Variants in ZNF518A observed in about 807,000 individuals in gnomAD.
The protein encoded by ZNF518A is zinc finger protein 518A, also known as zinc finger protein 518.
A neutral mutation model predicts 102.7 loss-of-function variants in ZNF518A; 47 were observed. The observed-to-expected ratio is 0.46, with a 90% confidence interval of 0.36 to 0.58. The LOEUF is 0.58. Among genes scored for constraint, ZNF518A ranks in the 20% least tolerant of loss-of-function variants. ZNF518A has a pLI of 0.00. For missense variants in ZNF518A, 1,793 were observed against 1,699.8 expected, an observed-to-expected ratio of 1.05 and a Z score of -0.96; for synonymous variants, 652 against 594.6, an observed-to-expected ratio of 1.10 and a Z score of -1.40.
rs1250547442 is a variant in ZNF518A at position 96,189,495 on chromosome 10, T to C, written n.36-14079T>C. On this transcript the variant is annotated intron_variant and non_coding_transcript_variant, in intron 1 of 2. Transcript: ENST00000442635. The stretch of plus-strand genomic sequence containing the variant: ...ACCTTTTTCTATACTTGCTTGCATT[T>C]TTGATTTAATGTCTTCTACAGAACT... The C allele has an allele frequency of 3.0e-5, 19 of 635,592 alleles. No homozygotes were observed. In the Admixed American group the frequency reaches 3.6e-4, roughly 12 times the overall value. 39.4% of individuals were successfully genotyped at this position (635,592 alleles called of 1,614,324 possible).
In ZNF518A at chr10:96,176,884, G is replaced by A. The variant is rs1330953259; in HGVS notation, n.35+20837G>A. On this transcript the variant is annotated intron_variant and non_coding_transcript_variant, in intron 1 of 2. Coordinates refer to the ZNF518A transcript ENST00000442635. ...TGCATTCCAGCCTGGGTGACAGAGC[G>A]AGACTCTGTCTCAAAACAAACAAAC... Among the ~76,000 whole-genome samples, 12 of 152,092 alleles carry A rather than the reference G, an allele frequency of 7.9e-5. No homozygotes were observed. The South Asian group carries it at 8.3e-4, about 11-fold the overall frequency.
chr10:96,135,505 TC>T (rs782294630), intron 3 of ZNF518A, among the ~76,000 whole-genome samples: 1 of 152,214 alleles, frequency 6.6e-6, no homozygotes, highest in South Asian at 2.1e-4. Context: ...TATAAAGAGT[TC>T]CCTTTATTTA....
chr10:96,197,368 A>C (rs1312837651), intron 1 of ZNF518A, among the ~76,000 whole-genome samples: 2 of 152,150 alleles, frequency 1.3e-5, no homozygotes, highest in Non-Finnish European at 2.9e-5. Flanking sequence ...GCAGTGGTGC[A>C]ATCACAGTCC....
At chr10:96,165,129 T>A (rs1460495902), downstream of ZNF518A, among the ~76,000 whole-genome samples, 1 of 152,060 alleles carries the variant, frequency 6.6e-6, no homozygotes, top group Non-Finnish European at 1.5e-5. Flanking sequence ...GAAGACCCAT[T>A]TATTTATTTT....
At chr10:96,171,198 A>G (rs1234415071) in intron 1 of ZNF518A, among the ~76,000 whole-genome samples, 2 of 152,304 alleles carry the variant, frequency 1.3e-5, no homozygotes, top group Admixed American at 1.3e-4. Flanking sequence ...TATACCCCAA[A>G]TAATTTAAAA....
intron 3 of ZNF518A, among the ~76,000 whole-genome samples, chr10:96,145,715 A>AC: frequency 6.6e-6 from 1 of 152,304 alleles, no homozygotes; most frequent in East Asian, 1.9e-4. Context: ...TCTGTTTTAT[A>AC]CTGGCAGCAA....
chr10:96,131,300 T>C lies in ZNF518A; in HGVS notation c.-453+548T>C, dbSNP rs115310382. Among the ~76,000 whole-genome samples, 801 of 152,254 alleles carry C rather than the reference T, an allele frequency of 5.3e-3. 3 individuals carry two copies. The highest frequency in any genetic ancestry group is 0.018 in the African/African-American group (767 of 41,492). ...TCTGCAGCAAGGGGTCTGATTTGAG[T>C]GTACTCTAAGGTTGATATCCTCAGG... On this transcript the variant is annotated intron_variant, in intron 1 of 5. Transcript: ENST00000316045.
intron 3 of ZNF518A, among the ~76,000 whole-genome samples, chr10:96,146,193 A>G (rs1478124334): frequency 6.6e-6 from 1 of 152,134 alleles, no homozygotes; most frequent in Admixed American, 6.5e-5. Flanking sequence ...ATTCCCTTAC[A>G]ATACTGTAAT....
downstream of ZNF518A, chr10:96,204,776 G>T: frequency 1.5e-6 from 1 of 662,464 alleles, no homozygotes; most frequent in Non-Finnish European, 2.7e-6. Flanking sequence ...TTGCCAGTCT[G>T]TTGATGTGGT....
In ZNF518A at chr10:96,133,572, G is replaced by A. The variant is rs1363360137; in HGVS notation, c.-367-11G>A. ...AAAACACAGATGTCTCCTACTCTTTGTGTTGGATAGGTCCTGGGATCTTTG... is the reference window on the plus strand; with the variant it reads ...AAAACACAGATGTCTCCTACTCTTTATGTTGGATAGGTCCTGGGATCTTTG... On this transcript the variant is annotated splice_polypyrimidine_tract_variant and intron_variant, in intron 2 of 5. Coordinates refer to ENST00000316045, the MANE Select transcript of ZNF518A (RefSeq NM_001330736.2). 2 of 152,188 alleles carry A rather than the reference G, an allele frequency of 1.3e-5. No homozygotes were observed. The highest frequency in any genetic ancestry group is 4.8e-5 in the African/African-American group (2 of 41,448). 9.4% of individuals were successfully genotyped at this position (152,188 alleles called of 1,614,324 possible).
chr10:96,140,197 A>G (rs2081846949), intron 3 of ZNF518A, among the ~76,000 whole-genome samples: 1 of 152,080 alleles, frequency 6.6e-6, no homozygotes, highest in Admixed American at 6.5e-5. Flanking sequence ...AGGCTTGCTT[A>G]TGGATTAATG....
intron 3 of ZNF518A, among the ~76,000 whole-genome samples, chr10:96,147,167 A>G (rs1182723788): frequency 6.6e-6 from 1 of 152,218 alleles, no homozygotes; most frequent in Non-Finnish European, 1.5e-5. Flanking sequence ...CAGGAACATC[A>G]TGAGTTTATG....
chr10:96,173,962 G>A (rs1445480835), intron 1 of ZNF518A, among the ~76,000 whole-genome samples: 1 of 151,952 alleles, frequency 6.6e-6, no homozygotes, highest in African/African-American at 2.4e-5. Flanking sequence ...AGGAAATTTT[G>A]AAAATTCATA....
At position 96,158,922 on chromosome 10, in the gene ZNF518A, C is replaced by T; in HGVS notation, c.2600C>T (p.Ser867Leu). 3 of 1,613,640 alleles carry T rather than the reference C, an allele frequency of 1.9e-6. No individual in the cohort carries two copies. Among genetic ancestry groups the T allele is most frequent in the Non-Finnish European group, 2.5e-6 (3 of 1,179,706 alleles). The change falls in exon 6 of 6, where the codon TCA becomes TTA. Residue 867 changes from serine (S) to leucine (L), a missense_variant. Transcript: ENST00000316045. ...LKFGKEKQVS[S>L]IPQDVRDSEK... is the part of the protein sequence containing the mutation. ...TTTGGAAAAGAAAAACAAGTGTCAT[C>T]AATACCACAAGATGTGAGAGATTCA...
At chr10:96,141,347 T>C (rs934456453) in intron 3 of ZNF518A, among the ~76,000 whole-genome samples, 4 of 152,202 alleles carry the variant, frequency 2.6e-5, no homozygotes, top group East Asian at 3.9e-4. Context: ...AAAGGTTACA[T>C]GTCCCTATAA....
At chr10:96,190,333 C>G (rs587715469) in intron 1 of ZNF518A, 1 of 563,500 alleles carries the variant, frequency 1.8e-6, no homozygotes, top group South Asian at 1.9e-5. Context: ...TCCTGTGTGT[C>G]TCTTCATATA....
intron 1 of ZNF518A, among the ~76,000 whole-genome samples, chr10:96,188,900 A>G (rs1334561933): frequency 2.0e-5 from 3 of 152,158 alleles, no homozygotes; most frequent in African/African-American, 7.2e-5. Flanking sequence ...TGCTCCCTCT[A>G]AAACCCGGAG....
chr10:96,175,365 G>T (rs1407720595), intron 1 of ZNF518A, among the ~76,000 whole-genome samples: 2 of 152,220 alleles, frequency 1.3e-5, no homozygotes, highest in Non-Finnish European at 2.9e-5. Context: ...CTGATTGCCA[G>T]CTGGGTGATG....
At chr10:96,182,922 G>A (rs1303692782) in intron 1 of ZNF518A, among the ~76,000 whole-genome samples, 2 of 152,170 alleles carry the variant, frequency 1.3e-5, no homozygotes, top group African/African-American at 4.8e-5. Flanking sequence ...TGTACCTCTA[G>A]TAGAATTTGG....
Sources: gnomAD v4.1 joint callset for allele counts (sites outside exome capture counted in the v4.1 genomes callset) on GRCh38, gnomAD v4.1.1 for gene constraint, MANE v1.5 for transcripts, NCBI Gene and HGNC (gene_info 2026-07-23, HGNC 2026-07-21) for gene names.